ZNF544: variants seen among roughly 807,000 people sequenced by gnomAD.
The protein encoded by ZNF544 is zinc finger protein AF020591.
A neutral mutation model predicts 13.5 loss-of-function variants in ZNF544; 10 were observed. The observed-to-expected ratio is 0.74, with a 90% CI of 0.46 to 1.25. The LOEUF (loss-of-function observed/expected upper bound fraction) is 1.25, where lower values mean the gene tolerates loss of function less well. Ranked by LOEUF, ZNF544 falls within the 50% of genes most tolerant of loss-of-function variation. The pLI is 0.00. For synonymous variants in ZNF544, 323 were observed against 300.5 expected (o/e 1.07, Z -0.77); for missense variants, 896 against 845.6 (o/e 1.06, Z -0.74).
chr19:58,243,187 C>T (rs569238841), intron 3 of ZNF544, among the ~76,000 whole-genome samples: 1 of 152,120 alleles, frequency 6.6e-6, no homozygotes, highest in Non-Finnish European at 1.5e-5. Flanking sequence ...TGAAAGGCAC[C>T]ATCAGGTCGA....
intron 5 of ZNF544, among the ~76,000 whole-genome samples, chr19:58,271,927 C>T (rs895910831): frequency 1.3e-5 from 2 of 151,818 alleles, no homozygotes; most frequent in African/African-American, 4.8e-5. Context: ...TTTGGGAGGC[C>T]GAGGCGGGCG....
chr19:58,271,551 GTTA>G (rs1038260946), intron 5 of ZNF544, among the ~76,000 whole-genome samples: 13 of 152,038 alleles, frequency 8.6e-5, no homozygotes, highest in Non-Finnish European at 2.9e-5. Flanking sequence ...GCAGTTAGCT[GTTA>G]TTATATCACT....
rs1166740969 is a variant in ZNF544 at position 58,261,344 on chromosome 19, CAGT to C, written c.739_741del (p.Ser247del). ...AGAAAAACCCTTATGAATATATTGT[CAGT>C]GGTGACTCTCTCAACTATGGTTCCT... is the stretch of plus-strand genomic sequence containing the variant. On this transcript the variant is annotated inframe_deletion, in exon 7 of 7. Coordinates refer to ENST00000687789, the MANE Select transcript of ZNF544 (RefSeq NM_014480.4). 6.2e-7 allele frequency: 1 copy of C among 1,614,124 alleles called. No individual in the cohort carries two copies. The highest frequency in any genetic ancestry group is 8.5e-7 in the Non-Finnish European group (1 of 1,180,046).
chr19:58,264,843 CA>C (rs900928392), downstream of ZNF544, among the ~76,000 whole-genome samples: 25 of 151,880 alleles, frequency 1.6e-4, no homozygotes, highest in Non-Finnish European at 3.4e-4. Context: ...CCCATCTCTA[CA>C]AAAAATAGAA....
exon 6 of ZNF544, chr19:58,276,359 C>T: frequency 8.1e-7 from 1 of 1,231,716 alleles, no homozygotes; most frequent in East Asian, 3.2e-5. Context: ...TTGGGACTCC[C>T]AATAGAAGAC....
At chr19:58,245,362 C>T (rs9676281) in intron 4 of ZNF544, among the ~76,000 whole-genome samples, 11,173 of 150,176 alleles carry the variant, frequency 0.074, 871 homozygotes, top group African/African-American at 0.19. Flanking sequence ...AGTACAATGG[C>T]GCGATCTCAG....
intron 1 of ZNF544, chr19:58,229,160 C>T (rs1047280428): frequency 3.3e-5 from 5 of 152,370 alleles, no homozygotes; most frequent in Non-Finnish European, 7.3e-5. Context: ...AAGGCCGGTC[C>T]AGTCAGGTTT....
At chr19:58,255,244 C>T (rs776228806) in intron 6 of ZNF544, among the ~76,000 whole-genome samples, 28 of 151,532 alleles carry the variant, frequency 1.8e-4, no homozygotes, top group Non-Finnish European at 3.8e-4. Context: ...GGCATGATCT[C>T]GGGTCACTGC....
At chr19:58,254,825 G>A (rs1018569189) in intron 6 of ZNF544, among the ~76,000 whole-genome samples, 1 of 151,936 alleles carries the variant, frequency 6.6e-6, no homozygotes, top group African/African-American at 2.4e-5. Context: ...GAAGGATCCA[G>A]CGGTATGTGA....
exon 7 of ZNF544, chr19:58,277,433 C>G (rs1357702245): frequency 4.9e-6 from 2 of 409,286 alleles, no homozygotes; most frequent in Admixed American, 4.4e-5. Flanking sequence ...GAGCAAATAA[C>G]AAGTAACTAT....
intron 6 of ZNF544, among the ~76,000 whole-genome samples, chr19:58,249,696 C>G (rs1437206615): frequency 6.6e-6 from 1 of 152,166 alleles, no homozygotes; most frequent in Non-Finnish European, 1.5e-5. Context: ...CATTCTTCCT[C>G]TAGAAAAAGA....
chr19:58,251,323 C>A (rs1490660403), intron 6 of ZNF544: 1 of 519,044 alleles, frequency 1.9e-6, no homozygotes, highest in Non-Finnish European at 3.8e-6. Flanking sequence ...TCAGGTCTTT[C>A]ACAAGTCACA....
Position 58,261,390 on chromosome 19 carries a change from AG to A in ZNF544, c.785del (p.Arg262LysfsTer5). On this transcript the variant is annotated frameshift_variant, in exon 7 of 7. Transcript: ENST00000687789. LOFTEE classifies it low-confidence loss of function (END_TRUNC). ...NYGSSLCFHG[R>X]TFSVKKSDDC... Reference sequence around the variant, plus strand: ...TGGTTCCTCCCTTTGTTTTCATGGTAGAACTTTTTCAGTGAAGAAAAGTGAT... The same window carrying A: ...TGGTTCCTCCCTTTGTTTTCATGGTAAACTTTTTCAGTGAAGAAAAGTGAT... 1 of 1,614,190 alleles carries A rather than the reference AG, an allele frequency of 6.2e-7. No individual in the cohort carries two copies. Among genetic ancestry groups the A allele is most frequent in the South Asian group, 1.1e-5 (1 of 91,088 alleles).
intron 6 of ZNF544, among the ~76,000 whole-genome samples, chr19:58,253,360 A>ATTT (rs1367661535): frequency 3.3e-5 from 5 of 152,364 alleles, no homozygotes; most frequent in Middle Eastern, 3.4e-3. Context: ...GCTCACTGAA[A>ATTT]AAAAGCCTCA....
intron 3 of ZNF544, chr19:58,231,759 C>T (rs1334284003): frequency 6.6e-6 from 1 of 152,112 alleles, no homozygotes; most frequent in African/African-American, 2.4e-5. Context: ...ACTGTCACCT[C>T]TCTTTTTCGT....
At chr19:58,248,751 A>G (rs1488768583) in intron 6 of ZNF544, among the ~76,000 whole-genome samples, 1 of 151,740 alleles carries the variant, frequency 6.6e-6, no homozygotes, top group African/African-American at 2.4e-5. Context: ...TGCATAAAAC[A>G]ATGAAAGAAT....
Position 58,246,374 on chromosome 19 carries a change from G to A in ZNF544, c.107G>A (p.Arg36Lys). ...EEWEQLDLAQ[R>K]TLYREVTLET... The stretch of plus-strand genomic sequence containing the variant: ...TGGGAACAGCTGGACCTGGCCCAGA[G>A]GACACTGTACCGAGAGGTGACACTG... The change falls in exon 5 of 7, where the codon AGG becomes AAG. Residue 36 changes from arginine to lysine, a missense_variant. By Grantham distance (26) the Arg-to-Lys change is conservative. Coordinates refer to ENST00000687789, the MANE Select transcript of ZNF544 (RefSeq NM_014480.4). 1.9e-6 allele frequency: 3 copies of A among 1,614,116 alleles called. No homozygotes were observed. Among genetic ancestry groups the A allele is most frequent in the Non-Finnish European group, 2.5e-6 (3 of 1,180,024 alleles).
At chr19:58,229,272 G>C (rs1293617489) in intron 1 of ZNF544, 196 bp from the exon 2 acceptor site, 1 of 106,048 alleles carries the variant, frequency 9.4e-6, no homozygotes, top group African/African-American at 3.6e-5. Context: ...GGCAGGGGTG[G>C]AACTGGGTGG....
intron 6 of ZNF544, chr19:58,247,284 G>A (rs566483373): frequency 1.5e-4 from 23 of 153,022 alleles, no homozygotes; most frequent in Non-Finnish European, 2.6e-4. Context: ...TTTTTAAGAC[G>A]GAGTTTCGCT....
Sources: allele counts gnomAD v4.1 joint callset (sites outside exome capture counted in the v4.1 genomes callset), GRCh38; gene constraint gnomAD v4.1.1; transcripts MANE v1.5; gene names NCBI Gene and HGNC (gene_info 2026-07-23, HGNC 2026-07-21).